DDHD1: variants seen among roughly 807,000 people sequenced by gnomAD.
The protein encoded by DDHD1 is phospholipase DDHD1.
Under a neutral mutation model 96.4 loss-of-function variants are expected in DDHD1, and 49 were observed. That is an observed-to-expected ratio of 0.51 (90% CI 0.40 to 0.64). The LOEUF is 0.64. Ranked by LOEUF, DDHD1 falls within the 30% of genes least tolerant of loss-of-function variation. The pLI is 0.00. For missense variants in DDHD1, 1,106 were observed against 1,161.2 expected (o/e 0.95, Z 0.69); for synonymous variants, 442 against 446.5 (o/e 0.99, Z 0.13).
intron 4 of DDHD1, among the ~76,000 whole-genome samples, chr14:53,091,114 T>C (rs1342807153): frequency 1.3e-5 from 2 of 152,206 alleles, no homozygotes; most frequent in Non-Finnish European, 2.9e-5. Context: ...CTATAACTGA[T>C]TATATTTTTC....
At position 53,153,143 on chromosome 14, in the gene DDHD1, A is replaced by AC. The variant is rs1566617773; in HGVS notation, c.-46dup. The AC allele has an allele frequency of 1.5e-6, 2 of 1,333,958 alleles. No homozygotes were observed. Among genetic ancestry groups the AC allele is most frequent in the Non-Finnish European group, 1.9e-6 (2 of 1,043,442 alleles). The allele number at this position is 1,333,958 out of a possible 1,614,324, so 82.6% of individuals were successfully genotyped here. On this transcript the variant is annotated 5_prime_UTR_variant, in exon 1 of 13. Coordinates refer to ENST00000673822, the MANE Select transcript of DDHD1 (RefSeq NM_001160148.2). ...CTGTCCGGCGGCGCGCGGAGCCGTG[A>AC]CCCCCAGCGCTTCCGCCACACATTC...
At position 53,045,350 on chromosome 14, in the gene DDHD1, T is replaced by C. The variant is rs1230736956; in HGVS notation, c.*1418A>G. On this transcript the variant is annotated 3_prime_UTR_variant, in exon 13 of 13. Transcript: ENST00000673822. The stretch of plus-strand genomic sequence containing the variant: ...GATCCTCCCACCTCAGCCTCTTGAG[T>C]AGCTGGGACTACAGGTGTACACCAC... The C allele has an allele frequency of 6.6e-5, 10 of 152,266 alleles. No individual in the cohort carries two copies. The highest frequency in any genetic ancestry group is 4.4e-5 in the Non-Finnish European group (3 of 68,242). 9.4% of individuals were successfully genotyped at this position (152,266 alleles called of 1,614,324 possible). A position where few individuals can be genotyped will look rare whatever the true frequency, so the allele number is the denominator to read the frequency against.
At chr14:53,067,390 T>G (rs1002980435) in intron 6 of DDHD1, among the ~76,000 whole-genome samples, 1 of 151,852 alleles carries the variant, frequency 6.6e-6, no homozygotes, top group East Asian at 1.9e-4. Flanking sequence ...ACTACCAGCC[T>G]CAAGTGATCT....
intron 4 of DDHD1, among the ~76,000 whole-genome samples, chr14:53,086,725 G>A (rs1885993261): frequency 6.6e-6 from 1 of 152,020 alleles, no homozygotes; most frequent in Non-Finnish European, 1.5e-5. Flanking sequence ...CATTGATGCT[G>A]GGAAGAAACT....
chr14:53,074,927 C>A (rs555688166), intron 4 of DDHD1, among the ~76,000 whole-genome samples: 8 of 152,204 alleles, frequency 5.3e-5, no homozygotes, highest in Admixed American at 4.6e-4. Flanking sequence ...CAAATTTTCT[C>A]ATTATTATTA....
intron 2 of DDHD1, among the ~76,000 whole-genome samples, chr14:53,095,126 T>C (rs1284947380): frequency 6.6e-6 from 1 of 152,202 alleles, no homozygotes; most frequent in Non-Finnish European, 1.5e-5. Flanking sequence ...TTCTTATGTT[T>C]TGAGGACCTT....
rs149926832 is a variant in DDHD1, at chr14:53,108,381, C to A, written c.839-4525G>T. Among the ~76,000 whole-genome samples the A allele has an allele frequency of 6.3e-3, 966 of 152,276 alleles. 15 individuals are homozygous for A. Among genetic ancestry groups the A allele is most frequent in the African/African-American group, 0.022 (912 of 41,544 alleles). Reference sequence around the variant, plus strand: ...TACAGCTATAACACTCACTGCATGGCCCAAGATTCCACTCCTTGGAATCCG... The same window carrying A: ...TACAGCTATAACACTCACTGCATGGACCAAGATTCCACTCCTTGGAATCCG... On this transcript the variant is annotated intron_variant, in intron 1 of 12. Transcript: ENST00000673822.
intron 1 of DDHD1, among the ~76,000 whole-genome samples, chr14:53,113,614 C>T (rs1385647148): frequency 7.0e-6 from 1 of 142,474 alleles, no homozygotes; most frequent in African/African-American, 3.1e-5. Flanking sequence ...TGCGTCACTT[C>T]CACTTCACCT....
chr14:53,095,915 A>G (rs2139690714), intron 2 of DDHD1, among the ~76,000 whole-genome samples: 1 of 152,276 alleles, frequency 6.6e-6, no homozygotes, highest in African/African-American at 2.4e-5. Context: ...AACCATTTTA[A>G]TGTTGGGGAA....
intron 6 of DDHD1, among the ~76,000 whole-genome samples, chr14:53,066,709 G>C (rs1884049469): frequency 6.6e-6 from 1 of 152,136 alleles, no homozygotes; most frequent in Non-Finnish European, 1.5e-5. Context: ...GCTCACGCCT[G>C]TAATCCCAGC....
chr14:53,066,876 A>C (rs138538880), intron 6 of DDHD1, among the ~76,000 whole-genome samples: 2 of 151,982 alleles, frequency 1.3e-5, no homozygotes, highest in Admixed American at 6.5e-5. Context: ...CTAAGGCACA[A>C]GAATCACTTG....
chr14:53,124,249 T>TTATATATATATATATATATATATATA (rs35996453), intron 1 of DDHD1, among the ~76,000 whole-genome samples: 124 of 146,472 alleles, frequency 8.5e-4, no homozygotes, highest in African/African-American at 3.1e-3. Flanking sequence ...AAAAAAAAAA[T>TTATATATATATATATATATATATATA]TATATATATA....
At chr14:53,058,974 C>T (rs1883300184) in intron 8 of DDHD1, among the ~76,000 whole-genome samples, 1 of 152,162 alleles carries the variant, frequency 6.6e-6, no homozygotes, top group Admixed American at 6.5e-5. Flanking sequence ...CAGTAAGACA[C>T]AGCTTCTGCA....
rs181563570 is a variant in DDHD1 at position 53,047,754 on chromosome 14, C to T, written c.2522-805G>A. Among the ~76,000 whole-genome samples the T allele has an allele frequency of 2.4e-4, 37 of 152,258 alleles. No homozygotes were observed. In the East Asian group the frequency reaches 6.7e-3, roughly 28 times the overall value. On this transcript the variant is annotated intron_variant, in intron 12 of 12. Transcript: ENST00000673822. Reference sequence around the variant, plus strand: ...GCGATTACCTGTTAGAGAAAAATCACCTTAACAAATCAAGGCTCTAAAATA... The same window carrying T: ...GCGATTACCTGTTAGAGAAAAATCATCTTAACAAATCAAGGCTCTAAAATA...
intron 11 of DDHD1, 120 bp downstream of exon 11, chr14:53,054,318 G>T: frequency 2.4e-6 from 2 of 848,092 alleles, no homozygotes; most frequent in South Asian, 3.1e-5. Flanking sequence ...TTCTTTCAAA[G>T]TTAAGGCACA....
intron 1 of DDHD1, among the ~76,000 whole-genome samples, chr14:53,134,248 G>C (rs1472010695): frequency 6.6e-6 from 1 of 151,992 alleles, no homozygotes; most frequent in Non-Finnish European, 1.5e-5. Flanking sequence ...CCCTGCCCTT[G>C]TTTACATTGC....
chr14:53,149,145 A>G (rs1397941140), intron 1 of DDHD1, among the ~76,000 whole-genome samples: 2 of 152,224 alleles, frequency 1.3e-5, no homozygotes, highest in Non-Finnish European at 2.9e-5. Flanking sequence ...TTTCTGATTC[A>G]TGTACCCCAA....
intron 1 of DDHD1, among the ~76,000 whole-genome samples, chr14:53,139,423 C>T (rs1450379582): frequency 6.6e-6 from 1 of 152,150 alleles, no homozygotes; most frequent in Non-Finnish European, 1.5e-5. Flanking sequence ...GAAGAAAAAT[C>T]CTTGGCGAAC....
rs556111057 is a variant in DDHD1 at position 53,098,494 on chromosome 14, G to T, written c.1013-5050C>A. Among the ~76,000 whole-genome samples the T allele has an allele frequency of 8.5e-3, 1,286 of 151,882 alleles. 35 individuals carry two copies. The highest frequency in any genetic ancestry group is 0.024 in the Admixed American group (361 of 15,252). ...GCAACCTGAAAAATTCCAACCCCAG[G>T]GAAGCAGTCTTACACATCTCTAACC... On this transcript the variant is annotated intron_variant, in intron 2 of 12. Transcript: ENST00000673822.
Sources: gnomAD v4.1 joint callset for allele counts (sites outside exome capture counted in the v4.1 genomes callset) on GRCh38, gnomAD v4.1.1 for gene constraint, MANE v1.5 for transcripts, NCBI Gene and HGNC (gene_info 2026-07-23, HGNC 2026-07-21) for gene names.